CSNK1D: variants seen among roughly 807,000 people sequenced by gnomAD.
CSNK1D encodes the protein casein kinase 1 delta.
Under a neutral mutation model 46.6 loss-of-function variants are expected in CSNK1D, and 16 were observed. The ratio of observed to expected loss-of-function variants is 0.34; its 90% CI spans 0.23 to 0.52. The LOEUF (loss-of-function observed/expected upper bound fraction) is 0.52. Among genes scored for constraint, CSNK1D ranks in the 20% least tolerant of loss-of-function variants. The pLI, the probability that CSNK1D is intolerant of heterozygous loss-of-function variation, is 0.95. For synonymous variants in CSNK1D, 276 were observed against 228.2 expected, an observed-to-expected ratio of 1.21 and a Z score of -1.89; for missense variants, 398 against 578.4, an observed-to-expected ratio of 0.69 and a Z score of 3.20.
intron 2 of CSNK1D, among the ~76,000 whole-genome samples, chr17:82,258,850 TC>T (rs1259633030): frequency 6.6e-6 from 1 of 152,236 alleles, no homozygotes; most frequent in Non-Finnish European, 1.5e-5. Context: ...TAGGCTGTCC[TC>T]CTTCTAAGCC....
chr17:82,244,968 G>A (rs1254569271), intron 8 of CSNK1D, 137 bp from the exon 9 acceptor site: 49 of 1,080,656 alleles, frequency 4.5e-5, no homozygotes, highest in Non-Finnish European at 5.9e-5. Flanking sequence ...TGCGTCCCCC[G>A]CCACGCACAG....
At chr17:82,263,458 G>A (rs1308694898) in intron 2 of CSNK1D, among the ~76,000 whole-genome samples, 1 of 152,230 alleles carries the variant, frequency 6.6e-6, no homozygotes, top group African/African-American at 2.4e-5. Flanking sequence ...CCTGCCAGGG[G>A]CCTTCAGCAC....
chr17:82,273,330 C>A lies in CSNK1D; in HGVS notation c.52G>T (p.Gly18Cys). 1 of 1,610,004 alleles carries A rather than the reference C, an allele frequency of 6.2e-7. No homozygotes were observed. The highest frequency in any genetic ancestry group is 8.5e-7 in the Non-Finnish European group (1 of 1,179,200). Residue 18 changes from glycine (G) to cysteine (C), a missense_variant, in exon 1 of 9, where the codon GGC becomes TGC. Physicochemically the swap from Gly to Cys is radical, Grantham distance 159 (BLOSUM62 -3). Around this residue, in one of 2 missense-constraint regions of CSNK1D, gnomAD observed 217 missense variants for 370.3 expected, o/e 0.59. Transcript: ENST00000314028. This position sits in a 1 kb window ranked among gnomAD's most constrained non-coding sequence, Gnocchi z 5.1. ...CCGAGATAGATGTCTCCGAAGGAGC[C>A]GCTGCCGATCTTCCGGCCCAGCCGG... ...RYRLGRKIGS[G>C]SFGDIYLGTD...
intron 2 of CSNK1D, among the ~76,000 whole-genome samples, chr17:82,256,992 C>T (rs759750612): frequency 2.0e-5 from 3 of 152,172 alleles, no homozygotes; most frequent in South Asian, 2.1e-4. Context: ...GACGAGGTCT[C>T]GCTGTCACCC....
chr17:82,253,143 G>A lies in CSNK1D; in HGVS notation c.438C>T (p.Tyr146=), dbSNP rs2051055879. The A allele has an allele frequency of 6.2e-7, 1 of 1,614,200 alleles. No homozygotes were observed. The highest frequency in any genetic ancestry group is 8.5e-7 in the Non-Finnish European group (1 of 1,180,026). The change falls in exon 4 of 9, where the codon TAC becomes TAT. Residue 146 remains tyrosine (Y), a synonymous_variant. Transcript: ENST00000314028. ...TCTTGGCCAGCCCGAAGTCGATGAT[G>A]TACACCAGGTTGCCCTTCTTCCCCA... is the stretch of plus-strand genomic sequence containing the variant. The part of the protein sequence containing the change: ...MGLGKKGNLV[Y]IIDFGLAKKY...
intron 1 of CSNK1D, among the ~76,000 whole-genome samples, chr17:82,267,683 C>CTCTGAGTT (rs1491543630): frequency 6.6e-6 from 1 of 152,222 alleles, no homozygotes. Context: ...TGAAAAACCA[C>CTCTGAGTT]TCTGAGTTCC....
chr17:82,262,416 A>G (rs376725345), intron 2 of CSNK1D, among the ~76,000 whole-genome samples: 2 of 152,330 alleles, frequency 1.3e-5, no homozygotes, highest in East Asian at 1.9e-4. Context: ...GGCAGTGACC[A>G]GTGTGTTTTT....
chr17:82,247,335 G>A (rs992472769), intron 8 of CSNK1D: 39 of 985,436 alleles, frequency 4.0e-5, no homozygotes, highest in Non-Finnish European at 4.6e-5. Context: ...CGCCAAGGCC[G>A]TGTACCGAGA....
chr17:82,271,440 G>T (rs2051620913), intron 1 of CSNK1D, among the ~76,000 whole-genome samples: 1 of 152,180 alleles, frequency 6.6e-6, no homozygotes, highest in South Asian at 2.1e-4. Flanking sequence ...CTCAGATCCT[G>T]GGGTTAAAAC....
rs1159784117 is a variant in CSNK1D at position 82,250,141 on chromosome 17, C to T, written c.886-539G>A. The T allele has an allele frequency of 1.0e-5, 13 of 1,290,150 alleles. No homozygotes were observed. Among genetic ancestry groups the T allele is most frequent in the East Asian group, 5.5e-5 (1 of 18,048 alleles). The allele number at this position is 1,290,150 out of a possible 1,614,324, so 79.9% of individuals were successfully genotyped here. ...ATCTGTGCTGCACTATCCAGATGCA[C>T]GGGGGTGGGGAGGTCAGATTTTAAG... On this transcript the variant is annotated intron_variant, in intron 6 of 8. Coordinates refer to ENST00000314028, the MANE Select transcript of CSNK1D (RefSeq NM_001893.6). This position sits in a 1 kb window ranked among gnomAD's most constrained non-coding sequence, Gnocchi z 4.6.
rs1050937749 is a variant in CSNK1D at position 82,265,616 on chromosome 17, C to T, written c.187+70G>A. On this transcript the variant is annotated intron_variant, in intron 2 of 8. Transcript: ENST00000314028. ...CCAGTTTTGGGTTTATTTTAACCAG[C>T]AATGCTGAGTTGCTGTTCTCCCTTG... 5 of 1,220,940 alleles carry T rather than the reference C, an allele frequency of 4.1e-6. No individual in the cohort carries two copies. In the African/African-American group the frequency reaches 6.0e-5, roughly 15 times the overall value. 75.6% of individuals were successfully genotyped at this position (1,220,940 alleles called of 1,614,324 possible).
downstream of CSNK1D, among the ~76,000 whole-genome samples, chr17:82,241,848 G>T (rs895397233): frequency 4.6e-5 from 7 of 152,234 alleles, no homozygotes; most frequent in Non-Finnish European, 8.8e-5. Flanking sequence ...GCATCCCCAC[G>T]GTTGGGGAAG....
In CSNK1D at chr17:82,243,767, T is replaced by C. The variant is rs570993918; in HGVS notation, c.*1014A>G. 1.4e-4 allele frequency: 137 copies of C among 985,418 alleles called. No individual in the cohort carries two copies. The highest frequency in any genetic ancestry group is 5.2e-4 in the Middle Eastern group (1 of 1,914). 61.0% of individuals were successfully genotyped at this position (985,418 alleles called of 1,614,324 possible). A position where few individuals can be genotyped will look rare whatever the true frequency, so the allele number is the denominator to read the frequency against. On this transcript the variant is annotated 3_prime_UTR_variant, in exon 9 of 9. Coordinates refer to ENST00000314028, the MANE Select transcript of CSNK1D (RefSeq NM_001893.6). ...CGGAGTGCCAATCCGCACAGGAGCA[T>C]TGAGTGCTGAGAAAATGGACTGAGT...
rs886941601 is a variant in CSNK1D at position 82,243,197 on chromosome 17, G to A, written c.*1584C>T. ...CAGACGGCCAGCCAGCTGGTGGGGG[G>A]GTGAACAACTGTGTTCTGGGACGCC... On this transcript the variant is annotated 3_prime_UTR_variant, in exon 9 of 9. Coordinates refer to ENST00000314028, the MANE Select transcript of CSNK1D (RefSeq NM_001893.6). The A allele has an allele frequency of 1.0e-6, 1 of 985,648 alleles. No homozygotes were observed. Among genetic ancestry groups the A allele is most frequent in the Non-Finnish European group, 1.2e-6 (1 of 830,112 alleles). The allele number at this position is 985,648 out of a possible 1,614,324, so 61.1% of individuals were successfully genotyped here. A position where few individuals can be genotyped will look rare whatever the true frequency, so the allele number is the denominator to read the frequency against.
chr17:82,239,769 A>G (rs887718572), downstream of CSNK1D: 18 of 394,386 alleles, frequency 4.6e-5, no homozygotes, highest in East Asian at 4.0e-4. Context: ...TTTAAGAAAC[A>G]GGACCCTCCT....
In CSNK1D at chr17:82,252,670, G is replaced by A; in HGVS notation, c.566-66C>T. The A allele has an allele frequency of 6.5e-7, 1 of 1,529,652 alleles. No individual in the cohort carries two copies. Among genetic ancestry groups the A allele is most frequent in the Non-Finnish European group, 8.9e-7 (1 of 1,127,130 alleles). The allele number at this position is 1,529,652 out of a possible 1,614,324, so 94.8% of individuals were successfully genotyped here. On this transcript the variant is annotated intron_variant, in intron 4 of 8. Transcript: ENST00000314028. The surrounding 1 kb of genome is among the most constrained non-coding windows in gnomAD (Gnocchi z 4.6). ...TGCTCACGTCAAAGCAAAAGACCCG[G>A]CTGGCCGTTCCAGTGGAGACTAGCC... is the stretch of plus-strand genomic sequence containing the variant.
At chr17:82,245,980 T>C in intron 8 of CSNK1D, 9 of 1,604,298 alleles carry the variant, frequency 5.6e-6, no homozygotes, top group Non-Finnish European at 7.7e-6. Flanking sequence ...ACTCACCCAG[T>C]GCTGCCTTCC....
downstream of CSNK1D, among the ~76,000 whole-genome samples, chr17:82,242,218 G>C (rs990976806): frequency 9.6e-4 from 146 of 151,776 alleles, no homozygotes; most frequent in African/African-American, 2.8e-3. Context: ...GCTCTGGGGG[G>C]GGGGGGAAGA....
In CSNK1D at chr17:82,248,884, G is replaced by C. The variant is rs1414721198; in HGVS notation, c.1188C>G (p.Ser396=). ...LTGRQDTSRM[S]TSQIPGRVAS... ...GGAGCTCTGCACCTACCTGTGAGGT[G>C]GACATGCGAGAGGTATCTTGTCGGC... Residue 396 remains serine, a synonymous_variant, in exon 8 of 9, where the codon TCC becomes TCG. Transcript: ENST00000314028. The surrounding 1 kb of genome is among the most constrained non-coding windows in gnomAD (Gnocchi z 4.1). The C allele has an allele frequency of 6.2e-7, 1 of 1,610,434 alleles. No homozygotes were observed. The highest frequency in any genetic ancestry group is 8.5e-7 in the Non-Finnish European group (1 of 1,178,246).
Sources: gnomAD v4.1 joint callset for allele counts (sites outside exome capture counted in the v4.1 genomes callset) on GRCh38, gnomAD v4.1.1 for gene constraint, gnomAD v4.1.1 regional missense constraint, Gnocchi (gnomAD v3.1) non-coding constraint, MANE v1.5 for transcripts, NCBI Gene and HGNC (gene_info 2026-07-23, HGNC 2026-07-21) for gene names.